Variants in WWOX observed in about 807,000 individuals in gnomAD.
WWOX encodes the protein WW domain containing oxidoreductase.
A neutral mutation model predicts 46.2 loss-of-function variants in WWOX; 69 were observed. The observed-to-expected ratio is 1.49, with a 90% CI of 1.23 to 1.82. The LOEUF is 1.82. Among genes scored for constraint, WWOX ranks in the 40% most tolerant of loss-of-function variants. WWOX has a pLI of 0.00. For synonymous variants in WWOX, 359 were observed against 202.6 expected, an observed-to-expected ratio of 1.77 and a Z score of -6.56; for missense variants, 919 against 542.6, an observed-to-expected ratio of 1.69 and a Z score of -6.89.
At chr16:78,871,567 T>C (rs1228930945) in intron 8 of WWOX, among the ~76,000 whole-genome samples, 1 of 152,182 alleles carries the variant, frequency 6.6e-6, no homozygotes, top group African/African-American at 2.4e-5. Context: ...GGTGACAATC[T>C]AAATCCTAAA....
chr16:78,894,879 C>G (rs2044667777), intron 8 of WWOX, among the ~76,000 whole-genome samples: 1 of 152,140 alleles, frequency 6.6e-6, no homozygotes. Context: ...CTGTGCATAA[C>G]TCAGTTCTCG....
rs559301717 is a variant in WWOX, at chr16:78,393,864, A to C, written c.605+6916A>C. On this transcript the variant is annotated intron_variant, in intron 6 of 8. Transcript: ENST00000566780. ...TGTTTTTTTAATTAAAAAAAAGGTTAAAATAACGGTTTTGTATCCTTGCTT... is the reference window on the plus strand; with the variant it reads ...TGTTTTTTTAATTAAAAAAAAGGTTCAAATAACGGTTTTGTATCCTTGCTT... Among the ~76,000 whole-genome samples the C allele has an allele frequency of 2.6e-5, 4 of 152,298 alleles. No individual in the cohort carries two copies. In the South Asian group the frequency reaches 6.2e-4, roughly 24 times the overall value.
At chr16:78,601,565 T>G (rs2045623996) in intron 8 of WWOX, among the ~76,000 whole-genome samples, 1 of 152,200 alleles carries the variant, frequency 6.6e-6, no homozygotes, top group African/African-American at 2.4e-5. Context: ...ATATAAGCAC[T>G]TTCCGTTAAA....
chr16:78,873,394 A>G, intron 8 of WWOX: 1 of 151,718 alleles, frequency 6.6e-6, no homozygotes, highest in African/African-American at 2.4e-5. Flanking sequence ...TTTTTCTTTT[A>G]AATAGCAGCA....
chr16:78,321,303 C>CGTGT (rs2080464929), intron 5 of WWOX, among the ~76,000 whole-genome samples: 1 of 73,558 alleles, frequency 1.4e-5, no homozygotes, highest in Non-Finnish European at 3.1e-5. Context: ...TATATATATA[C>CGTGT]GTATATATAT....
chr16:78,948,828 G>A (rs762851449), intron 8 of WWOX, among the ~76,000 whole-genome samples: 1 of 152,144 alleles, frequency 6.6e-6, no homozygotes, highest in Non-Finnish European at 1.5e-5. Context: ...TTTAGAATAG[G>A]AAGGTTATCC....
intron 8 of WWOX, among the ~76,000 whole-genome samples, chr16:78,877,760 G>A (rs950179966): frequency 1.3e-5 from 2 of 152,160 alleles, no homozygotes; most frequent in African/African-American, 4.8e-5. Flanking sequence ...GCACGTGGAA[G>A]ACAATATTTA....
intron 8 of WWOX, among the ~76,000 whole-genome samples, chr16:78,745,761 CT>C (rs1276829139): frequency 6.6e-5 from 10 of 151,380 alleles, no homozygotes; most frequent in East Asian, 5.8e-4. Flanking sequence ...TCTTCCTCCT[CT>C]TTTTCCCCCC....
At chr16:79,136,341 C>T (rs928047401) in intron 8 of WWOX, among the ~76,000 whole-genome samples, 1 of 152,048 alleles carries the variant, frequency 6.6e-6, no homozygotes, top group African/African-American at 2.4e-5. Context: ...AGCGATTCTC[C>T]TGCCTCCGCC....
chr16:78,819,233 A>C (rs2051426578), intron 8 of WWOX, among the ~76,000 whole-genome samples: 1 of 152,130 alleles, frequency 6.6e-6, no homozygotes, highest in Non-Finnish European at 1.5e-5. Context: ...AGTTGTCTTC[A>C]GTGACCCCCA....
At chr16:78,574,002 G>C (rs1036397634) in intron 8 of WWOX, among the ~76,000 whole-genome samples, 3 of 152,140 alleles carry the variant, frequency 2.0e-5, no homozygotes, top group Non-Finnish European at 1.5e-5. Context: ...AGCTTGACTG[G>C]GGAAGAATTG....
chr16:78,381,275 C>T (rs72796071), intron 5 of WWOX, among the ~76,000 whole-genome samples: 8,169 of 152,238 alleles, frequency 0.054, 287 homozygotes, highest in East Asian at 0.12. Flanking sequence ...ACAAGAAACC[C>T]CTTTGATTCC....
At chr16:78,401,892 G>T (rs978923186) in intron 6 of WWOX, among the ~76,000 whole-genome samples, 6 of 151,962 alleles carry the variant, frequency 3.9e-5, no homozygotes, top group Non-Finnish European at 2.9e-5. Context: ...TAGACACGGG[G>T]TTTCACCATG....
Position 78,099,720 on chromosome 16 carries a change from C to A in WWOX, c.-59C>A. ...GTCTCGTTTGGAGCGGGAGTGAGTT[C>A]CTGAGCGAGTGGACCCGGCAGCGGG... On this transcript the variant is annotated 5_prime_UTR_variant, in exon 1 of 9. Coordinates refer to ENST00000566780, the MANE Select transcript of WWOX (RefSeq NM_016373.4). 1.3e-6 allele frequency: 2 copies of A among 1,501,386 alleles called. No homozygotes were observed. Among genetic ancestry groups the A allele is most frequent in the South Asian group, 1.3e-5 (1 of 76,762 alleles). The allele number at this position is 1,501,386 out of a possible 1,614,324, so 93.0% of individuals were successfully genotyped here.
chr16:78,827,420 G>A (rs1453930452), intron 8 of WWOX, among the ~76,000 whole-genome samples: 1 of 152,072 alleles, frequency 6.6e-6, no homozygotes, highest in Non-Finnish European at 1.5e-5. Flanking sequence ...TGGCTCCAGG[G>A]TCAGGTGTGT....
chr16:79,136,045 T>G (rs1338213447), intron 8 of WWOX, among the ~76,000 whole-genome samples: 1 of 152,182 alleles, frequency 6.6e-6, no homozygotes, highest in African/African-American at 2.4e-5. Flanking sequence ...AATTTTAACT[T>G]TCTATATTCA....
chr16:78,566,432 G>T (rs573200122), intron 8 of WWOX, among the ~76,000 whole-genome samples: 1 of 152,148 alleles, frequency 6.6e-6, no homozygotes, highest in Admixed American at 6.5e-5. Flanking sequence ...TCTGAGTTCT[G>T]CCAAAAACCA....
At chr16:78,501,064 G>T (rs190063654) in intron 8 of WWOX, among the ~76,000 whole-genome samples, 1 of 152,262 alleles carries the variant, frequency 6.6e-6, no homozygotes, top group East Asian at 1.9e-4. Flanking sequence ...AGTGAAGAAT[G>T]TTGGGCAGGG....
At chr16:78,804,823 G>GT (rs1478895697) in intron 8 of WWOX, among the ~76,000 whole-genome samples, 1 of 152,216 alleles carries the variant, frequency 6.6e-6, no homozygotes, top group Non-Finnish European at 1.5e-5. Context: ...AAAAAATCCT[G>GT]TTTATACCTT....
Sources: allele counts gnomAD v4.1 joint callset (sites outside exome capture counted in the v4.1 genomes callset), GRCh38; gene constraint gnomAD v4.1.1; transcripts MANE v1.5; gene names NCBI Gene and HGNC (gene_info 2026-07-23, HGNC 2026-07-21).